Variants in IL1RAPL1 observed in about 807,000 individuals in gnomAD.
The protein encoded by IL1RAPL1 is interleukin 1 receptor accessory protein like 1, also known as interleukin-1 receptor accessory protein-like 1.
A neutral mutation model predicts 48.4 loss-of-function variants in IL1RAPL1; 3 were observed. The observed-to-expected ratio is 0.06, with a 90% CI of 0.03 to 0.16. The LOEUF is 0.16. IL1RAPL1 is among the 10% of genes least tolerant of loss of function. The pLI, the probability that IL1RAPL1 is intolerant of heterozygous loss-of-function variation, is 1.00. For synonymous variants in IL1RAPL1, 185 were observed against 187.7 expected, an observed-to-expected ratio of 0.99 and a Z score of 0.12; for missense variants, 349 against 530.6, an observed-to-expected ratio of 0.66 and a Z score of 3.36.
intron 2 of IL1RAPL1, among the ~76,000 whole-genome samples, chrX:29,093,913 T>TGA (rs1173989391): frequency 8.9e-6 from 1 of 112,064 alleles, no homozygotes; most frequent in Non-Finnish European, 1.9e-5. Flanking sequence ...AGCCTAGCCC[T>TGA]GAGGGATCAT....
chrX:29,875,417 C>A (rs1419300226), intron 6 of IL1RAPL1, among the ~76,000 whole-genome samples: 1 of 111,603 alleles, frequency 9.0e-6, no homozygotes, highest in Non-Finnish European at 1.9e-5. Context: ...ATTAGACAGT[C>A]CTTATCATCA....
intron 2 of IL1RAPL1, among the ~76,000 whole-genome samples, chrX:29,133,220 T>C (rs1430977243): frequency 1.8e-5 from 2 of 111,499 alleles, no homozygotes; most frequent in East Asian, 5.7e-4. Flanking sequence ...ATTCCAGGCT[T>C]TTAAGTTATG....
intron 5 of IL1RAPL1, among the ~76,000 whole-genome samples, chrX:29,525,697 A>T (rs981592016): frequency 1.8e-5 from 2 of 112,053 alleles, no homozygotes; most frequent in Non-Finnish European, 3.8e-5. Context: ...TGTATTGGTG[A>T]TGTGGAATAT....
At chrX:29,262,204 A>C (rs1931872864) in intron 2 of IL1RAPL1, among the ~76,000 whole-genome samples, 1 of 112,542 alleles carries the variant, frequency 8.9e-6, no homozygotes, top group African/African-American at 3.2e-5. Flanking sequence ...TTCTCAATAC[A>C]TTGTAGTTAC....
chrX:29,861,018 A>G (rs1353860787), intron 6 of IL1RAPL1, among the ~76,000 whole-genome samples: 1 of 112,415 alleles, frequency 8.9e-6, no homozygotes, highest in African/African-American at 3.2e-5. Flanking sequence ...CTTTTTCAGA[A>G]AAGCACTTAT....
At chrX:29,547,795 T>C (rs1267548120) in intron 5 of IL1RAPL1, among the ~76,000 whole-genome samples, 1 of 112,102 alleles carries the variant, frequency 8.9e-6, no homozygotes, top group Admixed American at 9.5e-5. Flanking sequence ...TAACAGTCAT[T>C]GTTTTTAATT....
At chrX:29,132,176 C>CA (rs1323634036) in intron 2 of IL1RAPL1, among the ~76,000 whole-genome samples, 4 of 110,626 alleles carry the variant, frequency 3.6e-5, no homozygotes, top group East Asian at 5.7e-4. Context: ...TTCCAAAATC[C>CA]AAAAAAAGTC....
At chrX:29,926,413 C>T (rs1407143545) in intron 8 of IL1RAPL1, among the ~76,000 whole-genome samples, 2 of 111,883 alleles carry the variant, frequency 1.8e-5, no homozygotes, top group Non-Finnish European at 3.8e-5. Context: ...TGGGCCAAAG[C>T]TCTTAAATAT....
intron 2 of IL1RAPL1, among the ~76,000 whole-genome samples, chrX:28,854,861 A>G (rs1403145148): frequency 8.9e-6 from 1 of 111,952 alleles, no homozygotes; most frequent in Non-Finnish European, 1.9e-5. Flanking sequence ...CAGAATGCAC[A>G]CAAATCTGAT....
At chrX:29,802,767 A>ATATATATG (rs1929953108) in intron 6 of IL1RAPL1, among the ~76,000 whole-genome samples, 8 of 27,024 alleles carry the variant, frequency 3.0e-4, no homozygotes, top group Non-Finnish European at 4.1e-4. Flanking sequence ...ATATATATAT[A>ATATATATG]TATATATATA....
At chrX:29,751,080 T>C (rs1928449276) in intron 6 of IL1RAPL1, among the ~76,000 whole-genome samples, 1 of 105,841 alleles carries the variant, frequency 9.4e-6, no homozygotes, top group African/African-American at 3.4e-5. Context: ...TGCTTTGTTC[T>C]GAAATTAATA....
chrX:28,937,487 T>C (rs1030583043), intron 2 of IL1RAPL1, among the ~76,000 whole-genome samples: 1 of 111,309 alleles, frequency 9.0e-6, no homozygotes, highest in Non-Finnish European at 1.9e-5. Flanking sequence ...CCCGAAACAT[T>C]AAAAATTAAT....
intron 2 of IL1RAPL1, among the ~76,000 whole-genome samples, chrX:28,960,038 C>T (rs754871448): frequency 8.0e-5 from 9 of 111,982 alleles, no homozygotes; most frequent in Admixed American, 7.6e-4. Flanking sequence ...GATAAAGATA[C>T]AGTTGCATAT....
chrX:29,366,259 C>G (rs754193027), intron 3 of IL1RAPL1, among the ~76,000 whole-genome samples: 2 of 110,332 alleles, frequency 1.8e-5, no homozygotes, highest in African/African-American at 3.3e-5. Flanking sequence ...TCTAAGGACC[C>G]CTTCTAGGTC....
At position 29,225,074 on chromosome X, in the gene IL1RAPL1, C is replaced by T. The variant is rs752668882; in HGVS notation, c.83-57864C>T. Among the ~76,000 whole-genome samples the T allele has an allele frequency of 6.5e-4, 73 of 111,728 alleles. 1 individual carries two copies. The highest frequency in any genetic ancestry group is 2.1e-3 in the African/African-American group (66 of 30,791). ...TGGTGCATCCTTAGTGTTATGCTCT[C>T]CATTGCTGGCAGGACAGATTCTTTC... is the stretch of plus-strand genomic sequence containing the variant. On this transcript the variant is annotated intron_variant, in intron 2 of 10. Transcript: ENST00000378993.
At chrX:29,441,612 G>A (rs1934548293) in intron 5 of IL1RAPL1, among the ~76,000 whole-genome samples, 1 of 111,785 alleles carries the variant, frequency 8.9e-6, no homozygotes, top group Admixed American at 9.5e-5. Context: ...TTCTTTTCCT[G>A]TTGCGGTGGA....
chrX:29,365,176 G>T (rs1933434484), intron 3 of IL1RAPL1, among the ~76,000 whole-genome samples: 1 of 111,374 alleles, frequency 9.0e-6, no homozygotes, highest in Non-Finnish European at 1.9e-5. Flanking sequence ...TGGTGCTCAG[G>T]CAGAGAAGGT....
Position 29,249,125 on chromosome X carries a change from G to T in IL1RAPL1, c.83-33813G>T, listed in dbSNP as rs368497408. 2.7e-4 allele frequency among the ~76,000 whole-genome samples: 30 copies of T among 111,653 alleles called. No individual in the cohort carries two copies. The East Asian group carries it at 3.9e-3, about 15-fold the overall frequency. On this transcript the variant is annotated intron_variant, in intron 2 of 10. Transcript: ENST00000378993. ...ATATCTCTGGCCTGTTTATACTTGG[G>T]TTTGGCTAAGGGATTGTCTCTAGGG...
intron 5 of IL1RAPL1, among the ~76,000 whole-genome samples, chrX:29,564,179 G>C (rs766789365): frequency 6.3e-5 from 7 of 111,730 alleles, no homozygotes; most frequent in African/African-American, 2.3e-4. Flanking sequence ...CACCTTCAAA[G>C]GTGACCCAGT....
Sources: allele counts gnomAD v4.1 joint callset (sites outside exome capture counted in the v4.1 genomes callset), GRCh38; gene constraint gnomAD v4.1.1; transcripts MANE v1.5; gene names NCBI Gene and HGNC (gene_info 2026-07-23, HGNC 2026-07-21).